ANO3: variants seen among roughly 807,000 people sequenced by gnomAD.
The protein encoded by ANO3 is anoctamin-3.
In ANO3, 99 loss-of-function variants were observed where a neutral mutation model predicts 144.8. That is an observed-to-expected ratio of 0.68 (90% CI 0.58 to 0.81). The LOEUF (loss-of-function observed/expected upper bound fraction) is 0.81. Among genes scored for constraint, ANO3 ranks in the 30% least tolerant of loss-of-function variants. The probability of loss-of-function intolerance (pLI) is 0.00; values close to 1 mark genes in which losing one functional copy is unlikely to be tolerated. For missense variants in ANO3, 905 were observed against 1,202.2 expected, an observed-to-expected ratio of 0.75 and a Z score of 3.66; for synonymous variants, 414 against 392.6, an observed-to-expected ratio of 1.05 and a Z score of -0.64.
intron 21 of ANO3, among the ~76,000 whole-genome samples, chr11:26,641,095 C>T (rs1853134449): frequency 6.6e-6 from 1 of 152,136 alleles, no homozygotes; most frequent in Admixed American, 6.5e-5. Flanking sequence ...TAATTCATTA[C>T]CCAGAAGGCC....
chr11:26,528,127 G>C (rs556970213), intron 7 of ANO3, among the ~76,000 whole-genome samples: 1 of 152,250 alleles, frequency 6.6e-6, no homozygotes, highest in African/African-American at 2.4e-5. Flanking sequence ...TAATGTATTA[G>C]ATTACACTGG....
chr11:26,641,759 T>G (rs1853160511), intron 21 of ANO3, 137 bp from the exon 22 acceptor site: 2 of 977,480 alleles, frequency 2.0e-6, no homozygotes, highest in Non-Finnish European at 2.8e-6. Context: ...TTTAAAAAAC[T>G]TTTATAAAAG....
chr11:26,215,995 T>C (rs1194573684), intron 1 of ANO3, among the ~76,000 whole-genome samples: 1 of 152,020 alleles, frequency 6.6e-6, no homozygotes, highest in African/African-American at 2.4e-5. Context: ...TTTTATATTC[T>C]TTTTGCCTTT....
At chr11:26,471,212 A>G (rs1859770660) in intron 4 of ANO3, among the ~76,000 whole-genome samples, 1 of 151,866 alleles carries the variant, frequency 6.6e-6, no homozygotes, top group African/African-American at 2.4e-5. Flanking sequence ...TGTCTCTTTA[A>G]CTGTAGACTC....
intron 14 of ANO3, among the ~76,000 whole-genome samples, chr11:26,586,500 A>C: frequency 1.9e-5 from 1 of 52,898 alleles, no homozygotes; most frequent in Admixed American, 2.3e-4. Flanking sequence ...CCCTGGTGAG[A>C]ATCTTTTTTT....
Position 26,432,456 on chromosome 11 carries a change from C to A in ANO3, c.47-9462C>A, listed in dbSNP as rs1336753683. On this transcript the variant is annotated intron_variant, in intron 1 of 26. Transcript: ENST00000256737. ...CTTTTAGTGTGATTGCTTTTGGCAT[C>A]TTCATCATAGAACTTTGCCAGTTCC... 3.3e-5 allele frequency among the ~76,000 whole-genome samples: 5 copies of A among 152,210 alleles called. No individual in the cohort carries two copies. The East Asian group carries it at 9.6e-4, about 29-fold the overall frequency.
chr11:26,588,720 A>G (rs1300327295), intron 14 of ANO3, among the ~76,000 whole-genome samples: 2 of 34,664 alleles, frequency 5.8e-5, no homozygotes, highest in East Asian at 2.3e-3. Context: ...GTTGTACACT[A>G]CATTAAAAAA....
intron 4 of ANO3, among the ~76,000 whole-genome samples, chr11:26,468,236 T>C (rs1256555791): frequency 6.6e-6 from 1 of 151,990 alleles, no homozygotes; most frequent in Non-Finnish European, 1.5e-5. Flanking sequence ...CTCAGCTGCG[T>C]AGCTCTTTCG....
intron 1 of ANO3, among the ~76,000 whole-genome samples, chr11:26,405,736 A>G (rs191147640): frequency 3.9e-4 from 60 of 152,030 alleles, no homozygotes; most frequent in African/African-American, 1.2e-3. Flanking sequence ...TGTGCAGGTT[A>G]TATCAGTAGT....
chr11:26,210,776 CTCTGTTTG>C (rs1851916105), intron 1 of ANO3, among the ~76,000 whole-genome samples: 1 of 134,524 alleles, frequency 7.4e-6, no homozygotes, highest in Non-Finnish European at 1.7e-5. Context: ...TGATTTGGTT[CTCTGTTTG>C]TCTATTATTG....
intron 1 of ANO3, among the ~76,000 whole-genome samples, chr11:26,359,842 T>C (rs1193729396): frequency 6.6e-6 from 1 of 151,944 alleles, no homozygotes. Flanking sequence ...GTTCCCAGTT[T>C]TACATCTTGG....
At chr11:26,398,122 A>G (rs973200480) in intron 1 of ANO3, among the ~76,000 whole-genome samples, 1 of 152,102 alleles carries the variant, frequency 6.6e-6, no homozygotes, top group Non-Finnish European at 1.5e-5. Flanking sequence ...AAAACACTCT[A>G]AAAATATACA....
intron 7 of ANO3, among the ~76,000 whole-genome samples, chr11:26,525,982 G>A (rs1849153429): frequency 6.6e-6 from 1 of 152,004 alleles, no homozygotes; most frequent in African/African-American, 2.4e-5. Context: ...TATAAGACCA[G>A]GATCAATGTT....
intron 17 of ANO3, among the ~76,000 whole-genome samples, chr11:26,622,084 T>C (rs1379509920): frequency 6.6e-6 from 1 of 152,222 alleles, no homozygotes; most frequent in African/African-American, 2.4e-5. Context: ...CAATTCATTC[T>C]GCTTGAACTG....
intron 1 of ANO3, among the ~76,000 whole-genome samples, chr11:26,273,231 T>G (rs1054502186): frequency 4.7e-4 from 68 of 146,072 alleles, no homozygotes; most frequent in African/African-American, 1.6e-3. Context: ...TTAAAGTTTT[T>G]TTTTTTTTTT....
chr11:26,439,175 A>C (rs1006937443), intron 1 of ANO3, among the ~76,000 whole-genome samples: 3 of 152,262 alleles, frequency 2.0e-5, no homozygotes, highest in Non-Finnish European at 4.4e-5. Context: ...AATTAGCTAC[A>C]ACTGGATTAT....
At position 26,441,995 on chromosome 11, in the gene ANO3, C is replaced by T. The variant is rs916142987; in HGVS notation, c.124C>T (p.Gln42Ter). 1.9e-6 allele frequency: 3 copies of T among 1,614,012 alleles called. No individual in the cohort carries two copies. Among genetic ancestry groups the T allele is most frequent in the Non-Finnish European group, 2.5e-6 (3 of 1,180,004 alleles). Residue 42 changes from glutamine to a stop codon, truncating the protein, a stop_gained, in exon 2 of 27, where the codon CAG becomes TAG. Coordinates refer to ENST00000256737, the MANE Select transcript of ANO3 (RefSeq NM_031418.4). LOFTEE classifies it high-confidence loss of function. ...TCGGAGATCCCTGCCTTGCCTCGCC[C>T]AGAGCTACGCTTACTCAAAGAGCTT... Reference protein sequence around the residue: ...PSRRSLPCLAQSYAYSKSLSQ... With the variant: ...PSRRSLPCLA
chr11:26,307,080 G>T (rs552479519), upstream of ANO3, among the ~76,000 whole-genome samples: 4 of 152,172 alleles, frequency 2.6e-5, no homozygotes, highest in Non-Finnish European at 5.9e-5. Context: ...GGTTGGCTGG[G>T]TATGGTGACT....
At chr11:26,268,574 C>G (rs971304354) in intron 1 of ANO3, among the ~76,000 whole-genome samples, 1 of 152,172 alleles carries the variant, frequency 6.6e-6, no homozygotes, top group Non-Finnish European at 1.5e-5. Flanking sequence ...AAGGTGTCAG[C>G]TTTGCACGTG....
Sources: allele counts gnomAD v4.1 joint callset (sites outside exome capture counted in the v4.1 genomes callset), GRCh38; gene constraint gnomAD v4.1.1; transcripts MANE v1.5; gene names NCBI Gene and HGNC (gene_info 2026-07-23, HGNC 2026-07-21).